The following LRRN2 variants were observed in gnomAD, a reference collection of about 807,000 sequenced individuals.
The protein encoded by LRRN2 is leucine-rich repeat neuronal protein 2.
In LRRN2, 10 loss-of-function variants were observed where a neutral mutation model predicts 35.7. The observed-to-expected ratio is 0.28, with a 90% CI of 0.17 to 0.47. The LOEUF (loss-of-function observed/expected upper bound fraction) is 0.47. LRRN2 is among the 20% of genes least tolerant of loss of function. The pLI is 0.99. For missense variants in LRRN2, 731 were observed against 940.3 expected, an observed-to-expected ratio of 0.78 and a Z score of 2.91; for synonymous variants, 391 against 409.6, an observed-to-expected ratio of 0.95 and a Z score of 0.55.
intron 1 of LRRN2, among the ~76,000 whole-genome samples, chr1:204,637,902 T>C (rs910497135): frequency 4.6e-5 from 7 of 152,214 alleles, no homozygotes; most frequent in Admixed American, 1.3e-4. Context: ...AGACAAACTT[T>C]GTGAGTTAAA....
rs368981728 is a variant in LRRN2, at chr1:204,619,103, T to C, written c.890A>G (p.Glu297Gly). 22 of 1,609,098 alleles carry C rather than the reference T, an allele frequency of 1.4e-5. No individual in the cohort carries two copies. The highest frequency in any genetic ancestry group is 1.7e-5 in the Non-Finnish European group (20 of 1,176,908). ...LKELGLNNME[E>G]LVSIDKFALV... Reference sequence around the variant, plus strand: ...GGCAAACTTGTCGATGGAGACCAGCTCCTCCATGTTGTTCAGTCCCAGCTC... The same window carrying C: ...GGCAAACTTGTCGATGGAGACCAGCCCCTCCATGTTGTTCAGTCCCAGCTC... Residue 297 changes from glutamate to glycine, a missense_variant, in exon 2 of 2, where the codon GAG (glutamate) becomes GGG (glycine). By Grantham distance (98) the Glu-to-Gly change is moderately conservative (BLOSUM62 -2). This residue lies in a region of LRRN2 where 256 missense variants were observed against 392.4 expected (regional missense o/e 0.65). Coordinates refer to ENST00000367177, the MANE Select transcript of LRRN2 (RefSeq NM_201630.2).
At chr1:204,662,381 C>G (rs908334270) in intron 1 of LRRN2, among the ~76,000 whole-genome samples, 3 of 152,164 alleles carry the variant, frequency 2.0e-5, no homozygotes, top group Non-Finnish European at 4.4e-5. Context: ...CCCATTTAAT[C>G]CTCCAGTAAT....
intron 1 of LRRN2, among the ~76,000 whole-genome samples, chr1:204,644,465 T>C (rs534009984): frequency 6.6e-6 from 1 of 152,256 alleles, no homozygotes; most frequent in Admixed American, 6.5e-5. Context: ...CCTCTTCTTT[T>C]TCCCCTGCCC....
At chr1:204,661,807 G>A (rs532814753) in intron 1 of LRRN2, among the ~76,000 whole-genome samples, 2 of 152,314 alleles carry the variant, frequency 1.3e-5, no homozygotes, top group African/African-American at 2.4e-5. Context: ...AGCAGGAAAC[G>A]AGGGGCTGCT....
chr1:204,677,334 G>A (rs181259915), intron 1 of LRRN2, among the ~76,000 whole-genome samples: 26 of 152,194 alleles, frequency 1.7e-4, no homozygotes, highest in African/African-American at 5.8e-4. Context: ...GGAGAGCATC[G>A]CCCCCCATGT....
At chr1:204,673,283 A>G (rs902081108) in intron 1 of LRRN2, among the ~76,000 whole-genome samples, 3 of 152,172 alleles carry the variant, frequency 2.0e-5, no homozygotes, top group African/African-American at 7.2e-5. Flanking sequence ...TATCCATCAC[A>G]TTATTCCTGT....
intron 1 of LRRN2, among the ~76,000 whole-genome samples, chr1:204,648,215 G>A (rs1668151269): frequency 6.6e-6 from 1 of 152,202 alleles, no homozygotes; most frequent in Non-Finnish European, 1.5e-5. Context: ...TGGGGAAAAT[G>A]TGAAGAGGAA....
chr1:204,665,616 G>A (rs534840435), intron 1 of LRRN2, among the ~76,000 whole-genome samples: 1 of 152,302 alleles, frequency 6.6e-6, no homozygotes, highest in East Asian at 1.9e-4. Flanking sequence ...GCCCACCCTG[G>A]AGACCCCACT....
intron 1 of LRRN2, among the ~76,000 whole-genome samples, chr1:204,644,330 C>T (rs1485622127): frequency 6.6e-6 from 1 of 152,168 alleles, no homozygotes; most frequent in Non-Finnish European, 1.5e-5. Flanking sequence ...ATGCAGCCTC[C>T]CTCCCTTTCT....
chr1:204,668,155 T>C (rs757019539), intron 1 of LRRN2, among the ~76,000 whole-genome samples: 4 of 152,302 alleles, frequency 2.6e-5, no homozygotes, highest in Non-Finnish European at 4.4e-5. Flanking sequence ...CAAACCAAAC[T>C]GCACATGACA....
intron 1 of LRRN2, among the ~76,000 whole-genome samples, chr1:204,636,064 T>C (rs1667824664): frequency 6.6e-6 from 1 of 152,160 alleles, no homozygotes; most frequent in Non-Finnish European, 1.5e-5. Flanking sequence ...CAGCCCCATC[T>C]TTGCCATATG....
intron 1 of LRRN2, among the ~76,000 whole-genome samples, chr1:204,638,435 G>A (rs1667895277): frequency 2.7e-5 from 1 of 36,440 alleles, no homozygotes; most frequent in Admixed American, 3.8e-4. Flanking sequence ...TTTTTGAGAC[G>A]GAGTCTCGCT....
rs190761913 is a variant in LRRN2 at position 204,680,438 on chromosome 1, A to G, written c.-227+4882T>C. 1.3e-4 allele frequency among the ~76,000 whole-genome samples: 20 copies of G among 152,326 alleles called. No homozygotes were observed. The East Asian group carries it at 3.9e-3, about 29-fold the overall frequency. ...GGTGTGGGTGCAAGAAACACACAGAAAAAAACGAATTCCAAACCAAACCTG... is the reference window on the plus strand; with the variant it reads ...GGTGTGGGTGCAAGAAACACACAGAGAAAAACGAATTCCAAACCAAACCTG... On this transcript the variant is annotated intron_variant, in intron 1 of 1. Coordinates refer to ENST00000367177, the MANE Select transcript of LRRN2 (RefSeq NM_201630.2).
In LRRN2 at chr1:204,619,731, C is replaced by G. The variant is rs144202788; in HGVS notation, c.262G>C (p.Glu88Gln). 7.8e-5 allele frequency: 126 copies of G among 1,614,230 alleles called. 1 individual carries two copies. In the African/African-American group the frequency reaches 1.4e-3, roughly 17 times the overall value. The stretch of plus-strand genomic sequence containing the variant: ...GTGAGATTGGCCAGGTAGCCCAGCT[C>G]ACTCTGGTCCACACGGACAATGCTG... ...SNSIVRVDQS[E>Q]LGYLANLTEL... Residue 88 changes from glutamate (E) to glutamine (Q), a missense_variant, in exon 2 of 2, where the codon GAG becomes CAG. Physicochemically the swap from Glu to Gln is conservative, Grantham distance 29. Around this residue, in one of 3 missense-constraint regions of LRRN2, gnomAD observed 246 missense variants for 289.5 expected, o/e 0.85. Transcript: ENST00000367177.
At chr1:204,657,337 T>TACAC (rs201153877) in intron 1 of LRRN2, among the ~76,000 whole-genome samples, 3,421 of 106,558 alleles carry the variant, frequency 0.032, 56 homozygotes, top group Non-Finnish European at 0.039. Context: ...TATATATGTA[T>TACAC]ATATACACAC....
At chr1:204,654,054 A>G (rs1002788917) in intron 1 of LRRN2, among the ~76,000 whole-genome samples, 8 of 147,288 alleles carry the variant, frequency 5.4e-5, no homozygotes, top group Non-Finnish European at 4.5e-5. Context: ...AAAAAAAAAA[A>G]GGATCTAGAG....
intron 1 of LRRN2, among the ~76,000 whole-genome samples, chr1:204,634,431 A>T (rs892187480): frequency 5.9e-5 from 9 of 152,156 alleles, no homozygotes; most frequent in Admixed American, 5.2e-4. Flanking sequence ...TGAAGTCCTA[A>T]CCCCCAGTAC....
At chr1:204,626,583 G>A (rs561122987) in intron 1 of LRRN2, among the ~76,000 whole-genome samples, 16 of 152,046 alleles carry the variant, frequency 1.1e-4, no homozygotes, top group South Asian at 4.2e-4. Flanking sequence ...AGCTGCCCCC[G>A]AGACTCTCTG....
chr1:204,671,967 A>G (rs1205419037), intron 1 of LRRN2, among the ~76,000 whole-genome samples: 1 of 152,340 alleles, frequency 6.6e-6, no homozygotes, highest in East Asian at 1.9e-4. Context: ...CCACATCGTC[A>G]CTAATCTCAC....
Sources: allele counts gnomAD v4.1 joint callset (sites outside exome capture counted in the v4.1 genomes callset), GRCh38; gene constraint gnomAD v4.1.1; regional missense constraint gnomAD v4.1.1; transcripts MANE v1.5; gene names NCBI Gene and HGNC (gene_info 2026-07-23, HGNC 2026-07-21).